The following CBLIF variants were observed in gnomAD, a reference collection of about 807,000 sequenced individuals.
CBLIF encodes cobalamin binding intrinsic factor, also known as gastric intrinsic factor (vitamin B synthesis).
Under a neutral mutation model 44.9 loss-of-function variants are expected in CBLIF, and 24 were observed. That is an observed-to-expected ratio of 0.53 (90% CI 0.39 to 0.75). CBLIF has a LOEUF of 0.75. Among genes scored for constraint, CBLIF ranks in the 30% least tolerant of loss-of-function variants. The pLI is 0.00. For missense variants in CBLIF, 481 were observed against 513.0 expected (o/e 0.94, Z 0.60); for synonymous variants, 183 against 190.9 (o/e 0.96, Z 0.34).
rs1177314941 is a variant in CBLIF at position 59,835,995 on chromosome 11, G to T, written c.886C>A (p.Pro296Thr). The T allele has an allele frequency of 6.2e-7, 1 of 1,614,004 alleles. No individual in the cohort carries two copies. Among genetic ancestry groups the T allele is most frequent in the Non-Finnish European group, 8.5e-7 (1 of 1,179,846 alleles). ...VTCSPDHEVQ[P>T]TLPSNPGPGP... ...GGGCCAGGGTTGCTGGGTAGAGTTGGTTGTACCTCATGATCTGTGAAGGGC... is the reference window on the plus strand; with the variant it reads ...GGGCCAGGGTTGCTGGGTAGAGTTGTTTGTACCTCATGATCTGTGAAGGGC... The change falls in exon 7 of 9, where the codon CCA (proline) becomes ACA (threonine). Residue 296 changes from proline to threonine, a missense_variant. Physicochemically the swap from Pro to Thr is conservative, Grantham distance 38 (BLOSUM62 -1). Transcript: ENST00000257248.
At chr11:59,843,199 G>T in intron 2 of CBLIF, 58 bp from the exon 3 acceptor site, 1 of 1,018,942 alleles carries the variant, frequency 9.8e-7, no homozygotes, top group Non-Finnish European at 1.6e-6. Context: ...CAGCTCTCCA[G>T]GAGCCAGTGA....
rs1489475747 is a variant in CBLIF, at chr11:59,841,327, G to T, written c.512-3C>A. 1.2e-6 allele frequency: 2 copies of T among 1,601,380 alleles called. No homozygotes were observed. The highest frequency in any genetic ancestry group is 1.7e-6 in the Non-Finnish European group (2 of 1,168,420). On this transcript the variant is annotated splice_polypyrimidine_tract_variant and splice_region_variant and intron_variant, in intron 4 of 8. Coordinates refer to ENST00000257248, the MANE Select transcript of CBLIF (RefSeq NM_005142.3). ...CAAGGTTGCCATTGCTCCTGTGTCT[G>T]TGAATGACAGAGGGTATAAGATCAC...
Position 59,844,020 on chromosome 11 carries a change from T to C in CBLIF, c.115A>G (p.Ile39Val), listed in dbSNP as rs1866574349. The C allele has an allele frequency of 6.2e-7, 1 of 1,613,840 alleles. No individual in the cohort carries two copies. Among genetic ancestry groups the C allele is most frequent in the Admixed American group, 1.7e-5 (1 of 59,986 alleles). ...ACCGAGTTCTCCATGAGTACTTGTA[T>C]TCCATTGACCAAGGGCTCCTGTGCT... ...PSAQEPLVNG[I>V]QVLMENSVTS... is the part of the protein sequence containing the mutation. Residue 39 changes from isoleucine to valine, a missense_variant, in exon 2 of 9, where the codon ATA becomes GTA. Transcript: ENST00000257248.
intron 5 of CBLIF, among the ~76,000 whole-genome samples, chr11:59,838,801 A>C (rs1866485792): frequency 6.6e-6 from 1 of 151,610 alleles, no homozygotes; most frequent in South Asian, 2.1e-4. Flanking sequence ...GTCATTAATA[A>C]CTTTCCATCA....
In CBLIF at chr11:59,830,198, A is replaced by C. The variant is rs1866353711; in HGVS notation, c.1193-653T>G. ...AGAAAAGTAATTTGTAGACATGAGA[A>C]TATGCCTGATTTAAGTTCCTGGGGC... On this transcript the variant is annotated intron_variant, in intron 8 of 8. Transcript: ENST00000257248. Among the ~76,000 whole-genome samples, 4 of 151,054 alleles carry C rather than the reference A, an allele frequency of 2.6e-5. No individual in the cohort carries two copies. In the South Asian group the frequency reaches 8.3e-4, roughly 32 times the overall value.
chr11:59,830,304 T>G (rs1866357144), intron 8 of CBLIF, among the ~76,000 whole-genome samples: 2 of 146,558 alleles, frequency 1.4e-5, no homozygotes, highest in Non-Finnish European at 3.0e-5. Context: ...TGGTGCAATC[T>G]CAGCTCACTG....
Position 59,831,675 on chromosome 11 carries a change from C to G in CBLIF, c.1192+3G>C. On this transcript the variant is annotated splice_donor_region_variant and intron_variant, in intron 8 of 8. Coordinates refer to ENST00000257248, the MANE Select transcript of CBLIF (RefSeq NM_005142.3). ...ATAACGCCTATGTCTTTTCTTCCCT[C>G]ACCTTCATTCAAAGGTGTTACACCA... The G allele has an allele frequency of 7.9e-7, 1 of 1,265,992 alleles. No homozygotes were observed. Among genetic ancestry groups the G allele is most frequent in the Non-Finnish European group, 1.2e-6 (1 of 861,856 alleles). The allele number at this position is 1,265,992 out of a possible 1,614,324, so 78.4% of individuals were successfully genotyped here.
Position 59,845,473 on chromosome 11 carries a change from C to G in CBLIF, c.-20G>C. ...GGCCATCTCACTCTCTCGTCTATGT[C>G]TCTCATCCACAGGTACCGCGATTTG... On this transcript the variant is annotated 5_prime_UTR_variant, in exon 1 of 9. Coordinates refer to ENST00000257248, the MANE Select transcript of CBLIF (RefSeq NM_005142.3). 6.6e-7 allele frequency: 1 copy of G among 1,511,234 alleles called. No homozygotes were observed. Among genetic ancestry groups the G allele is most frequent in the Non-Finnish European group, 9.2e-7 (1 of 1,086,922 alleles). The allele number at this position is 1,511,234 out of a possible 1,614,324, so 93.6% of individuals were successfully genotyped here. A position where few individuals can be genotyped will look rare whatever the true frequency, so the allele number is the denominator to read the frequency against.
At chr11:59,837,476 AG>A in intron 5 of CBLIF, 125 bp from the exon 6 acceptor site, 1 of 757,328 alleles carries the variant, frequency 1.3e-6, no homozygotes, top group South Asian at 1.5e-5. Flanking sequence ...CAGAATGCAA[AG>A]CCAATGCTAT....
intron 4 of CBLIF, 29 bp downstream of exon 4, chr11:59,842,414 C>G: frequency 6.2e-7 from 1 of 1,612,516 alleles, no homozygotes; most frequent in Non-Finnish European, 8.5e-7. Context: ...TCTGATGTTC[C>G]CAGCTCGGGG....
At chr11:59,844,098 C>T (rs1866576234) in intron 1 of CBLIF, 43 bp from the exon 2 acceptor site, 2 of 1,461,312 alleles carry the variant, frequency 1.4e-6, no homozygotes, top group Non-Finnish European at 1.9e-6. Context: ...AACCCTCATT[C>T]CTTCTCAAAA....
At chr11:59,844,122 G>T in intron 1 of CBLIF, 67 bp from the exon 2 acceptor site, 1 of 1,223,908 alleles carries the variant, frequency 8.2e-7, no homozygotes, top group Non-Finnish European at 1.2e-6. Flanking sequence ...TTATCCCCGT[G>T]TCTTTGATGC....
At chr11:59,841,100 T>C (rs374395916) in intron 5 of CBLIF, 43 bp downstream of exon 5, 1 of 1,440,616 alleles carries the variant, frequency 6.9e-7, no homozygotes, top group Non-Finnish European at 9.8e-7. Context: ...CAATCCAGGC[T>C]TATTGGCAGG....
Position 59,831,498 on chromosome 11 carries a change from T to C in CBLIF, c.1192+180A>G, listed in dbSNP as rs916597369. On this transcript the variant is annotated intron_variant, in intron 8 of 8. Transcript: ENST00000257248. Reference sequence around the variant, plus strand: ...TAATGATTATATATATATATATATATACACAAAATATATGTGTGTATACAT... The same window carrying C: ...TAATGATTATATATATATATATATACACACAAAATATATGTGTGTATACAT... 106 of 311,154 alleles carry C rather than the reference T, an allele frequency of 3.4e-4. 1 individual carries two copies. Among genetic ancestry groups the C allele is most frequent in the Middle Eastern group, 1.1e-3 (1 of 894 alleles). 19.3% of individuals were successfully genotyped at this position (311,154 alleles called of 1,614,324 possible). A position where few individuals can be genotyped will look rare whatever the true frequency, so the allele number is the denominator to read the frequency against.
At position 59,841,198 on chromosome 11, in the gene CBLIF, T is replaced by C. The variant is rs746680425; in HGVS notation, c.638A>G (p.Lys213Arg). 2.5e-6 allele frequency: 4 copies of C among 1,613,670 alleles called. No homozygotes were observed. The highest frequency in any genetic ancestry group is 3.4e-6 in the Non-Finnish European group (4 of 1,179,530). The change falls in exon 5 of 9, where the codon AAG (lysine) becomes AGG (arginine). Residue 213 changes from lysine to arginine, a missense_variant. Transcript: ENST00000257248. ...LKDIVEKISM[K>R]IKDNGIIGDI... is the part of the protein sequence containing the mutation. ...TCCAATGATGCCATTATCTTTGATC[T>C]TCATGCTGATTTTCTCCACAATATC...
chr11:59,842,354 G>T, intron 4 of CBLIF, 89 bp downstream of exon 4: 2 of 1,396,958 alleles, frequency 1.4e-6, no homozygotes, highest in African/African-American at 1.4e-5. Context: ...TCCATGGGAC[G>T]CTCTCCTTTG....
chr11:59,843,355 T>C (rs1005242703), intron 2 of CBLIF, among the ~76,000 whole-genome samples: 1 of 152,190 alleles, frequency 6.6e-6, no homozygotes, highest in African/African-American at 2.4e-5. Flanking sequence ...ATGACTCTAG[T>C]ATTTGGTATT....
chr11:59,841,587 T>C (rs1866530004), intron 4 of CBLIF, among the ~76,000 whole-genome samples: 1 of 152,050 alleles, frequency 6.6e-6, no homozygotes, highest in East Asian at 1.9e-4. Context: ...CAACCAGAAG[T>C]AAATAAGTCC....
rs555776939 is a variant in CBLIF, at chr11:59,841,340, G to C, written c.512-16C>G. On this transcript the variant is annotated splice_polypyrimidine_tract_variant and intron_variant, in intron 4 of 8. Transcript: ENST00000257248. ...GCTCCTGTGTCTGTGAATGACAGAG[G>C]GTATAAGATCACCATAGTCACCATC... 39 of 1,587,984 alleles carry C rather than the reference G, an allele frequency of 2.5e-5. No individual in the cohort carries two copies. In the South Asian group the frequency reaches 3.2e-4, roughly 13 times the overall value.
Sources: allele counts gnomAD v4.1 joint callset (sites outside exome capture counted in the v4.1 genomes callset), GRCh38; gene constraint gnomAD v4.1.1; transcripts MANE v1.5; gene names NCBI Gene and HGNC (gene_info 2026-07-23, HGNC 2026-07-21).